Variants in KCNQ2 observed in about 807,000 individuals in gnomAD.
KCNQ2 encodes potassium voltage-gated channel subfamily KQT member 2.
KCNQ2 carries 14 observed loss-of-function variants against 84.8 expected under a neutral mutation model. That is an observed-to-expected ratio of 0.17 (90% CI 0.11 to 0.26). KCNQ2 has a LOEUF of 0.26. Among genes scored for constraint, KCNQ2 ranks in the 10% least tolerant of loss-of-function variants. The pLI is 1.00. For synonymous variants in KCNQ2, 599 were observed against 554.1 expected, an observed-to-expected ratio of 1.08 and a Z score of -1.14; for missense variants, 788 against 1,254.0, an observed-to-expected ratio of 0.63 and a Z score of 5.61.
intron 1 of KCNQ2, chr20:63,449,471 G>C (rs1371706361): frequency 6.6e-6 from 1 of 152,450 alleles, no homozygotes; most frequent in African/African-American, 2.4e-5. Context: ...GAAAAAACAA[G>C]TCCTCGATGT....
rs1568865530 is a variant in KCNQ2, at chr20:63,408,653, G to A, written c.1764-117C>T. 1 of 1,473,110 alleles carries A rather than the reference G, an allele frequency of 6.8e-7. No individual in the cohort carries two copies. Among genetic ancestry groups the A allele is most frequent in the Non-Finnish European group, 9.2e-7 (1 of 1,087,350 alleles). 91.3% of individuals were successfully genotyped at this position (1,473,110 alleles called of 1,614,324 possible). A position where few individuals can be genotyped will look rare whatever the true frequency, so the allele number is the denominator to read the frequency against. On this transcript the variant is annotated intron_variant, in intron 15 of 16. Transcript: ENST00000359125. The surrounding 1 kb of genome is among the most constrained non-coding windows in gnomAD (Gnocchi z 5.0). Reference sequence around the variant, plus strand: ...GTCTAGGCTGCAGGCTCAGCCCAGAGCCGACCAGGGGGCAGTGGGTGCCAG... The same window carrying A: ...GTCTAGGCTGCAGGCTCAGCCCAGAACCGACCAGGGGGCAGTGGGTGCCAG...
intron 15 of KCNQ2, among the ~76,000 whole-genome samples, chr20:63,410,610 G>A (rs1041333989): frequency 6.6e-6 from 1 of 152,170 alleles, no homozygotes. Flanking sequence ...TCCGTCCGGG[G>A]CTACCCTGGG....
At chr20:63,417,620 G>T (rs867955876) in intron 12 of KCNQ2, among the ~76,000 whole-genome samples, 1 of 152,240 alleles carries the variant, frequency 6.6e-6, no homozygotes, top group Non-Finnish European at 1.5e-5. Context: ...CTGCGGCCCC[G>T]GAGGGGAACG....
rs1269537497 is a variant in KCNQ2, at chr20:63,436,615, C to T, written c.1023+2010G>A. On this transcript the variant is annotated intron_variant, in intron 7 of 16. Transcript: ENST00000359125. ...GGCCACCAGCATCGAGGTGAGACCC[C>T]CTACCAGCACAAAGATTGCAACTCG... Among the ~76,000 whole-genome samples, 4 of 152,186 alleles carry T rather than the reference C, an allele frequency of 2.6e-5. No individual in the cohort carries two copies. In the South Asian group the frequency reaches 8.3e-4, roughly 32 times the overall value.
chr20:63,404,278 A>AC lies in KCNQ2; in HGVS notation c.*2365dup, dbSNP rs1237337882. 6 of 150,572 alleles carry AC rather than the reference A, an allele frequency of 4.0e-5. No individual in the cohort carries two copies. The highest frequency in any genetic ancestry group is 1.5e-4 in the African/African-American group (6 of 40,602). 9.3% of individuals were successfully genotyped at this position (150,572 alleles called of 1,614,324 possible). ...GGGAGGAAAGAGCAGGTGGGGCCATACTGGGAGGGAGGAAAGAGCAGGTGG... is the reference window on the plus strand; with the variant it reads ...GGGAGGAAAGAGCAGGTGGGGCCATACCTGGGAGGGAGGAAAGAGCAGGTGG... On this transcript the variant is annotated 3_prime_UTR_variant, in exon 17 of 17. Transcript: ENST00000359125.
chr20:63,435,894 C>CTT (rs1555867531), intron 7 of KCNQ2, among the ~76,000 whole-genome samples: 1 of 151,728 alleles, frequency 6.6e-6, no homozygotes, highest in Non-Finnish European at 1.5e-5. Context: ...GCTCATCTCT[C>CTT]GAGAGTCCCC....
rs993630940 is a variant in KCNQ2, at chr20:63,408,660, AG to A, written c.1764-125del. ...CTGCAGGCTCAGCCCAGAGCCGACC[AG>A]GGGGCAGTGGGTGCCAGGACAGATG... On this transcript the variant is annotated intron_variant, in intron 15 of 16. Coordinates refer to ENST00000359125, the MANE Select transcript of KCNQ2 (RefSeq NM_172107.4). The surrounding 1 kb of genome is among the most constrained non-coding windows in gnomAD (Gnocchi z 5.0). 18 of 1,435,558 alleles carry A rather than the reference AG, an allele frequency of 1.3e-5. No homozygotes were observed. The African/African-American group carries it at 2.0e-4, about 16-fold the overall frequency. The allele number at this position is 1,435,558 out of a possible 1,614,324, so 88.9% of individuals were successfully genotyped here.
At chr20:63,444,931 G>A in intron 3 of KCNQ2, 97 bp from the exon 4 acceptor site, 1 of 1,340,230 alleles carries the variant, frequency 7.5e-7, no homozygotes, top group South Asian at 1.4e-5. Flanking sequence ...ATGTGCAGAG[G>A]GGCGGGAAGG....
rs2079801987 is a variant in KCNQ2, at chr20:63,401,187, T to G, written c.*5457A>C. On this transcript the variant is annotated 3_prime_UTR_variant, in exon 17 of 17. Coordinates refer to ENST00000359125, the MANE Select transcript of KCNQ2 (RefSeq NM_172107.4). ...TCAACTCCACCCCACAAACGCCTTT[T>G]AAAACTCTGAAGAGGCCCCTCCATC... 1 of 273,284 alleles carries G rather than the reference T, an allele frequency of 3.7e-6. No individual in the cohort carries two copies. The highest frequency in any genetic ancestry group is 6.8e-6 in the Non-Finnish European group (1 of 146,230). The allele number at this position is 273,284 out of a possible 1,614,324, so 16.9% of individuals were successfully genotyped here.
chr20:63,413,297 G>A, intron 15 of KCNQ2, 153 bp downstream of exon 15: 1 of 794,148 alleles, frequency 1.3e-6, no homozygotes, highest in South Asian at 1.7e-5. Context: ...CAGACTTTGT[G>A]AAGACACAAC....
intron 1 of KCNQ2, among the ~76,000 whole-genome samples, chr20:63,465,595 G>T (rs1178259250): frequency 6.6e-6 from 1 of 152,226 alleles, no homozygotes; most frequent in Admixed American, 6.5e-5. Flanking sequence ...CGCACGCAGG[G>T]GCCAGCGGGA....
At position 63,438,852 on chromosome 20, in the gene KCNQ2, A is replaced by AC; in HGVS notation, c.928-133dup. 1 of 551,670 alleles carries AC rather than the reference A, an allele frequency of 1.8e-6. No homozygotes were observed. The highest frequency in any genetic ancestry group is 3.2e-6 in the Non-Finnish European group (1 of 308,234). 34.2% of individuals were successfully genotyped at this position (551,670 alleles called of 1,614,324 possible). On this transcript the variant is annotated intron_variant, in intron 6 of 16. Coordinates refer to ENST00000359125, the MANE Select transcript of KCNQ2 (RefSeq NM_172107.4). This position sits in a 1 kb window ranked among gnomAD's most constrained non-coding sequence, Gnocchi z 5.1. ...CAGACCACACTCCAGAGACTCACAC[A>AC]CCCCCCAATTCATCAGGGTCAGACC...
In KCNQ2 at chr20:63,406,753, C is replaced by A; in HGVS notation, c.2510G>T (p.Gly837Val). Residue 837 changes from glycine (G) to valine (V), a missense_variant, in exon 17 of 17, where the codon GGA (glycine) becomes GTA (valine). Gly to Val is a moderately radical substitution (Grantham distance 109). Coordinates refer to ENST00000359125, the MANE Select transcript of KCNQ2 (RefSeq NM_172107.4). Reference protein sequence around the residue: ...CAKVRPYIAEGESDTDSDLCT... With the variant: ...CAKVRPYIAEVESDTDSDLCT... ...GAGGTCGGAGTCGGTGTCTGACTCT[C>A]CCTCCGCAATGTAGGGCCTGACTTT... 1 of 1,612,124 alleles carries A rather than the reference C, an allele frequency of 6.2e-7. No homozygotes were observed. Among genetic ancestry groups the A allele is most frequent in the Non-Finnish European group, 8.5e-7 (1 of 1,179,676 alleles).
intron 7 of KCNQ2, 51 bp from the exon 8 acceptor site, chr20:63,433,954 C>A: frequency 1.3e-6 from 2 of 1,549,350 alleles, no homozygotes; most frequent in Non-Finnish European, 1.8e-6. Flanking sequence ...GCGAGGGGCG[C>A]GCCCAGGAGG....
intron 1 of KCNQ2, among the ~76,000 whole-genome samples, chr20:63,452,815 C>A (rs1322223080): frequency 6.6e-6 from 1 of 152,192 alleles, no homozygotes; most frequent in Non-Finnish European, 1.5e-5. Context: ...GAGAGAGGCC[C>A]CACCGGGACC....
chr20:63,416,921 C>T, intron 12 of KCNQ2, among the ~76,000 whole-genome samples: 1 of 151,544 alleles, frequency 6.6e-6, no homozygotes, highest in East Asian at 1.9e-4. Context: ...AGCAGACCAT[C>T]TGTCCCCACT....
chr20:63,413,230 C>T (rs1476354299), intron 15 of KCNQ2: 3 of 589,992 alleles, frequency 5.1e-6, no homozygotes, highest in Non-Finnish European at 9.4e-6. Context: ...GGTGCACGCA[C>T]TTGCCCACCG....
At chr20:63,450,541 G>T (rs1190651378) in intron 1 of KCNQ2, among the ~76,000 whole-genome samples, 3 of 132,128 alleles carry the variant, frequency 2.3e-5, no homozygotes, top group Non-Finnish European at 5.0e-5. Flanking sequence ...CTGGGGGGTG[G>T]GGGAAGACTG....
intron 4 of KCNQ2, 45 bp from the exon 5 acceptor site, chr20:63,442,576 G>GCATCAC (rs2081195043): frequency 1.9e-6 from 3 of 1,588,484 alleles, no homozygotes; most frequent in Admixed American, 3.4e-5. Flanking sequence ...ATCACCAGAA[G>GCATCAC]CATCACCATC....
Sources: gnomAD v4.1 joint callset for allele counts (sites outside exome capture counted in the v4.1 genomes callset) on GRCh38, gnomAD v4.1.1 for gene constraint, Gnocchi (gnomAD v3.1) non-coding constraint, MANE v1.5 for transcripts, NCBI Gene and HGNC (gene_info 2026-07-23, HGNC 2026-07-21) for gene names.